The following NFATC3 variants were observed in gnomAD, a reference collection of about 807,000 sequenced individuals.
NFATC3 encodes the protein nuclear factor of activated T cells 3.
NFATC3 carries 46 observed loss-of-function variants against 98.6 expected under a neutral mutation model. That is an observed-to-expected ratio of 0.47 (90% CI 0.37 to 0.60). The LOEUF (loss-of-function observed/expected upper bound fraction) is 0.60. Among genes scored for constraint, NFATC3 ranks in the 20% least tolerant of loss-of-function variants. The pLI is 0.00. For synonymous variants in NFATC3, 512 were observed against 472.2 expected, an observed-to-expected ratio of 1.08 and a Z score of -1.09; for missense variants, 1,256 against 1,295.5, an observed-to-expected ratio of 0.97 and a Z score of 0.47.
chr16:68,192,924 C>G (rs1182595647), intron 9 of NFATC3, among the ~76,000 whole-genome samples: 2 of 152,078 alleles, frequency 1.3e-5, no homozygotes, highest in Non-Finnish European at 2.9e-5. Flanking sequence ...TTCAGCAAGT[C>G]TTCTGTGAGT....
Position 68,126,654 on chromosome 16 carries a change from G to A in NFATC3, c.1401+44G>A, listed in dbSNP as rs1054781588. ...TTGTTTTGCAGATACCATACACCTA[G>A]TGATGATTAGACAAGTCTATTCAGT... On this transcript the variant is annotated intron_variant, in intron 3 of 9. Coordinates refer to ENST00000346183, the MANE Select transcript of NFATC3 (RefSeq NM_173165.3). The A allele has an allele frequency of 1.8e-5, 29 of 1,595,482 alleles. No individual in the cohort carries two copies. In the African/African-American group the frequency reaches 3.6e-4, roughly 20 times the overall value.
intron 1 of NFATC3, among the ~76,000 whole-genome samples, chr16:68,099,800 G>T (rs1425091336): frequency 1.3e-5 from 2 of 151,894 alleles, no homozygotes; most frequent in Admixed American, 1.3e-4. Flanking sequence ...TACACTATGG[G>T]ACTTTTTTGG....
At chr16:68,150,106 G>A (rs762496307) in intron 3 of NFATC3, among the ~76,000 whole-genome samples, 14 of 152,138 alleles carry the variant, frequency 9.2e-5, no homozygotes, top group East Asian at 3.9e-4. Context: ...AATCTTGCCC[G>A]TTGCAAAACA....
At chr16:68,095,696 G>A (rs1243721100) in intron 1 of NFATC3, among the ~76,000 whole-genome samples, 1 of 152,132 alleles carries the variant, frequency 6.6e-6, no homozygotes, top group Non-Finnish European at 1.5e-5. Flanking sequence ...TTGTTATGCA[G>A]TTACTTTCTC....
chr16:68,123,146 G>A, intron 2 of NFATC3, 25 bp downstream of exon 2: 1 of 1,572,032 alleles, frequency 6.4e-7, no homozygotes, highest in Non-Finnish European at 8.6e-7. Context: ...ATGGCTGCTG[G>A]TCATTTTTCA....
At chr16:68,101,358 T>C (rs973392622) in intron 1 of NFATC3, among the ~76,000 whole-genome samples, 1 of 152,190 alleles carries the variant, frequency 6.6e-6, no homozygotes. Flanking sequence ...TGGCCAGGCT[T>C]GTCTCAAACT....
rs768228927 is a variant in NFATC3 at position 68,112,268 on chromosome 16, CT to C, written c.104-9692del. Among the ~76,000 whole-genome samples the C allele has an allele frequency of 6.2e-3, 480 of 77,422 alleles. 1 individual carries two copies. Among genetic ancestry groups the C allele is most frequent in the African/African-American group, 0.02 (373 of 18,690 alleles). The allele number at this position is 77,422 out of a possible 152,430, so 50.8% of individuals were successfully genotyped here. On this transcript the variant is annotated intron_variant, in intron 1 of 9. Coordinates refer to ENST00000346183, the MANE Select transcript of NFATC3 (RefSeq NM_173165.3). ...CAGGTACCCCAGTTGTAGGTTCAGT[CT>C]TTTTTTTTTTTTTTTTTTTTTTTTT...
rs772120988 is a variant in NFATC3, at chr16:68,191,362, T to C, written c.2693T>C (p.Val898Ala). The change falls in exon 9 of 10, where the codon GTG becomes GCG. Residue 898 changes from valine (V) to alanine (A), a missense_variant. Transcript: ENST00000346183. The stretch of plus-strand genomic sequence containing the variant: ...GGACAAAGATCTCTTTCTTCTCCAG[T>C]GGCTGACCAGATTACAGGTCAGCCT... ...NTGQRSLSSPVADQITGQPSS... is the reference protein window; with the variant it reads ...NTGQRSLSSPAADQITGQPSS... 6.2e-7 allele frequency: 1 copy of C among 1,614,210 alleles called. No homozygotes were observed. Among genetic ancestry groups the C allele is most frequent in the Admixed American group, 1.7e-5 (1 of 60,020 alleles).
At position 68,111,550 on chromosome 16, in the gene NFATC3, C is replaced by G. The variant is rs2035947708; in HGVS notation, c.104-10437C>G. Among the ~76,000 whole-genome samples, 6 of 152,288 alleles carry G rather than the reference C, an allele frequency of 3.9e-5. No individual in the cohort carries two copies. The South Asian group carries it at 1.2e-3, about 32-fold the overall frequency. The stretch of plus-strand genomic sequence containing the variant: ...TTAGATGGGTCTCTTGAATACAGCA[C>G]ACCAATGGTTCTTGTCTTTTTAGCC... On this transcript the variant is annotated intron_variant, in intron 1 of 9. Coordinates refer to ENST00000346183, the MANE Select transcript of NFATC3 (RefSeq NM_173165.3).
intron 1 of NFATC3, among the ~76,000 whole-genome samples, chr16:68,104,055 A>G (rs929132715): frequency 2.6e-5 from 4 of 152,142 alleles, no homozygotes; most frequent in Non-Finnish European, 5.9e-5. Context: ...AAATTTGAGG[A>G]TTGGCTTTTC....
chr16:68,160,768 T>G (rs982777678), intron 4 of NFATC3, among the ~76,000 whole-genome samples: 9 of 152,070 alleles, frequency 5.9e-5, no homozygotes, highest in Admixed American at 2.6e-4. Context: ...CACTACAACC[T>G]CTGCCTCCCA....
chr16:68,154,565 A>G (rs2038510050), intron 3 of NFATC3, among the ~76,000 whole-genome samples: 1 of 152,178 alleles, frequency 6.6e-6, no homozygotes, highest in Non-Finnish European at 1.5e-5. Flanking sequence ...TAGGATGTAG[A>G]CAAGCACAAG....
intron 9 of NFATC3, among the ~76,000 whole-genome samples, chr16:68,214,805 G>T (rs1178601592): frequency 6.6e-6 from 1 of 152,154 alleles, no homozygotes; most frequent in Non-Finnish European, 1.5e-5. Context: ...AACTTTTGAT[G>T]TGAATGAAAT....
At chr16:68,171,036 C>T (rs1257122464) in intron 5 of NFATC3, among the ~76,000 whole-genome samples, 1 of 152,060 alleles carries the variant, frequency 6.6e-6, no homozygotes, top group Non-Finnish European at 1.5e-5. Flanking sequence ...GAGATGGAGT[C>T]TTGCTCTGTC....
intron 3 of NFATC3, among the ~76,000 whole-genome samples, chr16:68,154,752 T>C (rs1419277622): frequency 2.0e-5 from 3 of 152,178 alleles, no homozygotes; most frequent in African/African-American, 7.2e-5. Context: ...GTTCATGCAA[T>C]AAGGCCAGCA....
At chr16:68,200,648 T>C (rs926782839) in intron 9 of NFATC3, 12 of 152,178 alleles carry the variant, frequency 7.9e-5, no homozygotes, top group African/African-American at 2.7e-4. Flanking sequence ...AAGGCTGTAA[T>C]ATAAACTTAC....
chr16:68,167,113 G>A, intron 5 of NFATC3, 98 bp downstream of exon 5: 1 of 1,261,782 alleles, frequency 7.9e-7, no homozygotes. Flanking sequence ...TGCAAACTGA[G>A]GCATACAATC....
At position 68,191,250 on chromosome 16, in the gene NFATC3, T is replaced by C; in HGVS notation, c.2581T>C (p.Ser861Pro). 1.2e-6 allele frequency: 2 copies of C among 1,614,214 alleles called. No homozygotes were observed. The highest frequency in any genetic ancestry group is 1.7e-6 in the Non-Finnish European group (2 of 1,180,052). The change falls in exon 9 of 10, where the codon TCA (serine) becomes CCA (proline). Residue 861 changes from serine to proline, a missense_variant. Coordinates refer to ENST00000346183, the MANE Select transcript of NFATC3 (RefSeq NM_173165.3). Reference protein sequence around the residue: ...SIPFHSSNSGSTGHLLAHTPH... With the variant: ...SIPFHSSNSGPTGHLLAHTPH... ...ACCATTTCATTCTTCAAATTCAGGC[T>C]CAACAGGACATCTCTTAGCCCATAC...
At chr16:68,094,918 T>C (rs1739467462) in intron 1 of NFATC3, among the ~76,000 whole-genome samples, 1 of 152,212 alleles carries the variant, frequency 6.6e-6, no homozygotes, top group Non-Finnish European at 1.5e-5. Context: ...TCAGCAAACT[T>C]AACCTTGCGT....
Sources: allele counts gnomAD v4.1 joint callset (sites outside exome capture counted in the v4.1 genomes callset), GRCh38; gene constraint gnomAD v4.1.1; transcripts MANE v1.5; gene names NCBI Gene and HGNC (gene_info 2026-07-23, HGNC 2026-07-21).